Variants in DNAH8 observed in about 807,000 individuals in gnomAD.
The protein encoded by DNAH8 is dynein axonemal heavy chain 8.
DNAH8 carries 382 observed loss-of-function variants against 562.1 expected under a neutral mutation model. The observed-to-expected ratio is 0.68, with a 90% CI of 0.63 to 0.74. The LOEUF (loss-of-function observed/expected upper bound fraction) is 0.74, where lower values mean the gene tolerates loss of function less well. DNAH8 is among the 30% of genes least tolerant of loss of function. DNAH8 has a pLI of 0.00. For missense variants in DNAH8, 5,203 were observed against 5,620.4 expected, an observed-to-expected ratio of 0.93 and a Z score of 2.37; for synonymous variants, 1,881 against 1,919.4, an observed-to-expected ratio of 0.98 and a Z score of 0.52.
chr6:39,016,247 C>G (rs1194862498), intron 91 of DNAH8, among the ~76,000 whole-genome samples: 1 of 147,166 alleles, frequency 6.8e-6, no homozygotes, highest in African/African-American at 2.5e-5. Context: ...AAGTAAATGG[C>G]TTTAAATAAA....
Position 38,779,818 on chromosome 6 carries a change from C to T in DNAH8, c.2040-148C>T, listed in dbSNP as rs1768406862. On this transcript the variant is annotated intron_variant, in intron 14 of 92. Transcript: ENST00000327475. ...TTCCAAGAGAACCAGGACTGTACCT[C>T]CTATCTCGTTCATTGCTTTGTCCTA... 5.3e-6 allele frequency: 4 copies of T among 758,610 alleles called. No individual in the cohort carries two copies. In the Admixed American group the frequency reaches 8.5e-5, roughly 16 times the overall value. 47.0% of individuals were successfully genotyped at this position (758,610 alleles called of 1,614,324 possible).
At chr6:38,884,933 A>G (rs748105927) in intron 56 of DNAH8, among the ~76,000 whole-genome samples, 2 of 152,140 alleles carry the variant, frequency 1.3e-5, no homozygotes, top group African/African-American at 2.4e-5. Flanking sequence ...CCACCGACCT[A>G]CACTGCTTCA....
chr6:39,009,555 A>G (rs1766045123), intron 89 of DNAH8, among the ~76,000 whole-genome samples: 1 of 152,180 alleles, frequency 6.6e-6, no homozygotes, highest in African/African-American at 2.4e-5. Context: ...ATGGGGTGGC[A>G]TGGGACAGTA....
chr6:38,987,351 C>A (rs763521851), intron 87 of DNAH8, among the ~76,000 whole-genome samples: 1 of 152,144 alleles, frequency 6.6e-6, no homozygotes, highest in Non-Finnish European at 1.5e-5. Flanking sequence ...GCATTTTGGG[C>A]CACAGAGGAC....
intron 88 of DNAH8, among the ~76,000 whole-genome samples, chr6:38,993,204 C>T (rs1764908749): frequency 6.6e-6 from 1 of 152,156 alleles, no homozygotes; most frequent in African/African-American, 2.4e-5. Flanking sequence ...CCAGCAACTT[C>T]AATATGTGTA....
rs1291689207 is a variant in DNAH8 at position 38,956,665 on chromosome 6, T to C, written c.12451+5145T>C. 2.6e-5 allele frequency among the ~76,000 whole-genome samples: 4 copies of C among 152,176 alleles called. No homozygotes were observed. The South Asian group carries it at 6.2e-4, about 24-fold the overall frequency. On this transcript the variant is annotated intron_variant, in intron 82 of 92. Transcript: ENST00000327475. Reference sequence around the variant, plus strand: ...AACTGTCTCACACAGTTCAGGCACATTGTCCCTAAAAAACAAAACAAAACA... The same window carrying C: ...AACTGTCTCACACAGTTCAGGCACACTGTCCCTAAAAAACAAAACAAAACA...
chr6:38,969,451 A>C (rs1763186873), intron 82 of DNAH8, among the ~76,000 whole-genome samples: 1 of 152,124 alleles, frequency 6.6e-6, no homozygotes, highest in Non-Finnish European at 1.5e-5. Context: ...ATAATATCCT[A>C]AGAAGAAAAG....
rs2063935886 is a variant in DNAH8 at position 38,866,892 on chromosome 6, T to C, written c.6693+16T>C. ...TACTAAACAGGTAACTTTATAGATC[T>C]GCTTTCCTCCTAGCAATAGTATTTG... On this transcript the variant is annotated intron_variant, in intron 47 of 92. Coordinates refer to ENST00000327475, the MANE Select transcript of DNAH8 (RefSeq NM_001206927.2). 1.4e-6 allele frequency: 2 copies of C among 1,478,102 alleles called. No individual in the cohort carries two copies. Among genetic ancestry groups the C allele is most frequent in the South Asian group, 2.3e-5 (2 of 86,628 alleles). 91.6% of individuals were successfully genotyped at this position (1,478,102 alleles called of 1,614,324 possible).
chr6:38,907,941 G>T lies in DNAH8; in HGVS notation c.9349-15G>T. The T allele has an allele frequency of 1.3e-6, 2 of 1,575,630 alleles. No homozygotes were observed. Among genetic ancestry groups the T allele is most frequent in the Admixed American group, 1.8e-5 (1 of 54,188 alleles). On this transcript the variant is annotated splice_polypyrimidine_tract_variant and intron_variant, in intron 63 of 92. Transcript: ENST00000327475. ...CTCTTAAAACACAGAACACTTCCTT[G>T]TCCATTCCTTAAAGATCTCCAACTT... is the stretch of plus-strand genomic sequence containing the variant.
chr6:38,932,183 AACACACACACACAC>A (rs70981599), intron 76 of DNAH8, among the ~76,000 whole-genome samples, 190 bp downstream of exon 76: 1 of 139,788 alleles, frequency 7.2e-6, no homozygotes, highest in African/African-American at 2.7e-5. Context: ...TCCAGCCTGA[AACACACACACACAC>A]ACACACACAC....
chr6:38,823,798 T>TATA (rs149539806), intron 28 of DNAH8, 110 bp downstream of exon 28: 5,821 of 516,586 alleles, frequency 0.011, 210 homozygotes, highest in East Asian at 0.11. Context: ...TATACCAAGA[T>TATA]ATAATAATAA....
chr6:38,787,902 T>A (rs1179639448), intron 18 of DNAH8, among the ~76,000 whole-genome samples: 2 of 152,132 alleles, frequency 1.3e-5, no homozygotes, highest in Admixed American at 6.5e-5. Flanking sequence ...CTTGGCAGGC[T>A]GTGGACATGT....
chr6:38,886,170 A>G lies in DNAH8; in HGVS notation c.8260-621A>G, dbSNP rs376644435. Among the ~76,000 whole-genome samples the G allele has an allele frequency of 3.8e-4, 58 of 152,310 alleles. 1 individual carries two copies. In the South Asian group the frequency reaches 7.5e-3, roughly 20 times the overall value. ...GAACAATGAGAAGAGGAAAGAGCCC[A>G]GGATGGAACCCTGGAGAACAGTTAC... is the stretch of plus-strand genomic sequence containing the variant. On this transcript the variant is annotated intron_variant, in intron 56 of 92. Transcript: ENST00000327475.
At position 38,981,722 on chromosome 6, in the gene DNAH8, G is replaced by T. The variant is rs138798570; in HGVS notation, c.12835-624G>T. Among the ~76,000 whole-genome samples, 154 of 152,150 alleles carry T rather than the reference G, an allele frequency of 1.0e-3. 2 individuals carry two copies. The highest frequency in any genetic ancestry group is 3.3e-3 in the African/African-American group (138 of 41,430). On this transcript the variant is annotated intron_variant, in intron 85 of 92. Coordinates refer to ENST00000327475, the MANE Select transcript of DNAH8 (RefSeq NM_001206927.2). ...TGTAGAATAACAGTTCATTCAACAG[G>T]TATTTGTTGAGCATCTACTGCATTT...
intron 26 of DNAH8, chr6:38,822,527 A>G (rs879509719): frequency 5.0e-5 from 10 of 200,210 alleles, no homozygotes; most frequent in South Asian, 1.6e-4. Context: ...GGAAATTTCA[A>G]CGCTTTTAAC....
chr6:38,893,274 A>G (rs1351534549), intron 58 of DNAH8, among the ~76,000 whole-genome samples: 2 of 152,176 alleles, frequency 1.3e-5, no homozygotes, highest in Admixed American at 1.3e-4. Context: ...TGATCCATTC[A>G]TGCCTTGTCT....
At position 38,805,417 on chromosome 6, in the gene DNAH8, A is replaced by G. The variant is rs181642417; in HGVS notation, c.3035-64A>G. On this transcript the variant is annotated intron_variant, in intron 22 of 92. Transcript: ENST00000327475. ...AGGAACTTCCTAAGAGGATTTGGCC[A>G]TGTAGAATACAGACAATGCTAAAAA... 1.4e-4 allele frequency: 141 copies of G among 978,228 alleles called. No homozygotes were observed. In the East Asian group the frequency reaches 3.4e-3, roughly 24 times the overall value. 60.6% of individuals were successfully genotyped at this position (978,228 alleles called of 1,614,324 possible).
chr6:38,863,351 C>T (rs1269678322), intron 44 of DNAH8, among the ~76,000 whole-genome samples: 1 of 151,756 alleles, frequency 6.6e-6, no homozygotes, highest in Non-Finnish European at 1.5e-5. Context: ...TGCTTGAACC[C>T]GGGAGGCGGA....
intron 11 of DNAH8, among the ~76,000 whole-genome samples, chr6:38,767,162 C>T (rs907182606): frequency 3.9e-5 from 6 of 152,190 alleles, no homozygotes; most frequent in Admixed American, 1.3e-4. Context: ...TCAGGCCAGA[C>T]GCGGTGGCTC....
Sources: gnomAD v4.1 joint callset for allele counts (sites outside exome capture counted in the v4.1 genomes callset) on GRCh38, gnomAD v4.1.1 for gene constraint, MANE v1.5 for transcripts, NCBI Gene and HGNC (gene_info 2026-07-23, HGNC 2026-07-21) for gene names.